The following MAP3K5 variants were observed in gnomAD, a reference collection of about 807,000 sequenced individuals.
The protein encoded by MAP3K5 is mitogen-activated protein kinase kinase kinase 5, also known as ASK-1.
A neutral mutation model predicts 158.7 loss-of-function variants in MAP3K5; 56 were observed. That is an observed-to-expected ratio of 0.35 (90% confidence interval 0.28 to 0.44). The LOEUF (loss-of-function observed/expected upper bound fraction) is 0.44. Among genes scored for constraint, MAP3K5 ranks in the 20% least tolerant of loss-of-function variants. The probability of loss-of-function intolerance (pLI) is 1.00; values close to 1 mark genes in which losing one functional copy is unlikely to be tolerated. For synonymous variants in MAP3K5, 579 were observed against 601.7 expected (o/e 0.96, Z 0.55); for missense variants, 1,294 against 1,674.8 (o/e 0.77, Z 3.97).
chr6:136,659,284 T>A lies in MAP3K5; in HGVS notation c.1461A>T (p.Leu487=), dbSNP rs151246014. The A allele has an allele frequency of 6.2e-7, 1 of 1,614,036 alleles. No individual in the cohort carries two copies. Among genetic ancestry groups the A allele is most frequent in the African/African-American group, 1.3e-5 (1 of 74,938 alleles). The change falls in exon 9 of 30, where the codon CTA becomes CTT. Residue 487 remains leucine, a synonymous_variant. Transcript: ENST00000359015. ...GAATGACTCTCATGTGGTCATTGGC[T>A]AGGACGCTGGCCCCCAGAAAAAATC... is the stretch of plus-strand genomic sequence containing the variant. ...EVGFFLGASV[L]ANDHMRVIQA... is the part of the protein sequence containing the mutation.
intron 10 of MAP3K5, among the ~76,000 whole-genome samples, chr6:136,651,750 C>T (rs1211478107): frequency 2.0e-5 from 3 of 152,042 alleles, no homozygotes; most frequent in African/African-American, 7.2e-5. Flanking sequence ...TATTTTGAAG[C>T]TCTATAAGGG....
intron 2 of MAP3K5, among the ~76,000 whole-genome samples, chr6:136,718,266 G>A (rs1214212679): frequency 6.6e-6 from 1 of 152,164 alleles, no homozygotes; most frequent in South Asian, 2.1e-4. Context: ...CTGGAGTGCA[G>A]TGGTGTGATC....
intron 1 of MAP3K5, among the ~76,000 whole-genome samples, chr6:136,769,571 T>C (rs1388079561): frequency 6.6e-6 from 1 of 150,524 alleles, no homozygotes; most frequent in African/African-American, 2.5e-5. Flanking sequence ...CAGAAGTGGG[T>C]TAGGGGTAAC....
At position 136,792,122 on chromosome 6, in the gene MAP3K5, A is replaced by T; in HGVS notation, c.36T>A (p.Ser12=). The part of the protein sequence containing the change: ...STEADEGITF[S]VPPFAPSGFC... ...AGCCCGAGGGGGCGAAGGGTGGCAC[A>T]GAGAAAGTGATGCCCTCGTCCGCCT... Residue 12 remains serine, a synonymous_variant, in exon 1 of 30, where the codon TCT becomes TCA. Transcript: ENST00000359015. This position sits in a 1 kb window ranked among gnomAD's most constrained non-coding sequence, Gnocchi z 5.7. The T allele has an allele frequency of 6.3e-7, 1 of 1,583,856 alleles. No individual in the cohort carries two copies. The highest frequency in any genetic ancestry group is 1.1e-5 in the South Asian group (1 of 88,262).
intron 11 of MAP3K5, among the ~76,000 whole-genome samples, chr6:136,644,799 G>C (rs1778166583): frequency 6.6e-6 from 1 of 152,180 alleles, no homozygotes. Flanking sequence ...ATAAAGGAGA[G>C]GGCTTGGCCC....
At chr6:136,614,404 A>C in intron 15 of MAP3K5, 118 bp from the exon 16 acceptor site, 1 of 1,071,632 alleles carries the variant, frequency 9.3e-7, no homozygotes, top group Non-Finnish European at 1.4e-6. Context: ...AACCAAAACA[A>C]CCACTTAAGG....
intron 1 of MAP3K5, among the ~76,000 whole-genome samples, chr6:136,730,899 T>C (rs1562653289): frequency 1.3e-5 from 2 of 152,278 alleles, no homozygotes; most frequent in East Asian, 3.9e-4. Flanking sequence ...TGAATGTTCA[T>C]AGCCATACTA....
At chr6:136,676,793 C>CTTTTTTTT (rs67161871) in intron 7 of MAP3K5, among the ~76,000 whole-genome samples, 2 of 130,732 alleles carry the variant, frequency 1.5e-5, no homozygotes, top group Non-Finnish European at 3.2e-5. Flanking sequence ...CTTTTCTTTT[C>CTTTTTTTT]TTTTTTTTTT....
intron 23 of MAP3K5, 98 bp downstream of exon 23, chr6:136,592,075 C>T (rs1162450558): frequency 4.5e-6 from 5 of 1,116,464 alleles, no homozygotes; most frequent in East Asian, 2.4e-5. Context: ...ACTACAGGTT[C>T]CTCTTGCCTT....
chr6:136,700,542 A>G (rs1489965914), intron 3 of MAP3K5, among the ~76,000 whole-genome samples: 1 of 152,240 alleles, frequency 6.6e-6, no homozygotes, highest in Non-Finnish European at 1.5e-5. Context: ...ACACTCATAT[A>G]TCAGGTAATT....
At chr6:136,583,505 T>G (rs754485672) in intron 24 of MAP3K5, 50 bp downstream of exon 24, 1 of 1,472,426 alleles carries the variant, frequency 6.8e-7, no homozygotes, top group Non-Finnish European at 9.2e-7. Flanking sequence ...ATCTTATTTT[T>G]CTAACTAATT....
chr6:136,664,004 A>T (rs1779122712), intron 8 of MAP3K5, among the ~76,000 whole-genome samples: 1 of 152,094 alleles, frequency 6.6e-6, no homozygotes, highest in African/African-American at 2.4e-5. Flanking sequence ...CAGGGTCCTC[A>T]ATCCCAGGGC....
At chr6:136,711,276 A>T (rs1781295147) in intron 2 of MAP3K5, among the ~76,000 whole-genome samples, 1 of 152,166 alleles carries the variant, frequency 6.6e-6, no homozygotes, top group Non-Finnish European at 1.5e-5. Flanking sequence ...GTACCAGATG[A>T]CAAGTCAAAG....
At chr6:136,792,493 G>T, upstream of MAP3K5, 1 of 622,922 alleles carries the variant, frequency 1.6e-6, no homozygotes, top group Non-Finnish European at 2.0e-6. This position sits in a 1 kb window ranked among gnomAD's most constrained non-coding sequence, Gnocchi z 5.7. Context: ...CCTGCGCCGC[G>T]GTGCAGCTCA....
At chr6:136,598,182 C>G (rs1353047849) in intron 21 of MAP3K5, among the ~76,000 whole-genome samples, 1 of 152,240 alleles carries the variant, frequency 6.6e-6, no homozygotes, top group Non-Finnish European at 1.5e-5. Flanking sequence ...CAGCAAGCCT[C>G]CCTTAACACA....
intron 1 of MAP3K5, among the ~76,000 whole-genome samples, chr6:136,738,942 GCA>G (rs59144448): frequency 0.11 from 16,761 of 149,464 alleles, 2,569 homozygotes; most frequent in African/African-American, 0.35. Flanking sequence ...ACACACGCGT[GCA>G]CACACACACA....
At chr6:136,650,913 GTATGTA>G in intron 11 of MAP3K5, 65 bp downstream of exon 11, 1 of 852,432 alleles carries the variant, frequency 1.2e-6, no homozygotes, top group South Asian at 1.6e-5. Flanking sequence ...ATTTGCTGGA[GTATGTA>G]AATGCTAGAA....
At chr6:136,765,048 A>G (rs1036298044) in intron 1 of MAP3K5, among the ~76,000 whole-genome samples, 3 of 152,232 alleles carry the variant, frequency 2.0e-5, no homozygotes, top group Non-Finnish European at 2.9e-5. Flanking sequence ...CTTTTTATAC[A>G]GTATCCTAAC....
intron 1 of MAP3K5, among the ~76,000 whole-genome samples, chr6:136,775,733 T>C (rs888224611): frequency 2.0e-5 from 3 of 152,236 alleles, no homozygotes; most frequent in African/African-American, 7.2e-5. Context: ...AGTTGTGGCC[T>C]GGGAAAACTA....
Sources: allele counts gnomAD v4.1 joint callset (sites outside exome capture counted in the v4.1 genomes callset), GRCh38; gene constraint gnomAD v4.1.1; non-coding constraint Gnocchi (gnomAD v3.1); transcripts MANE v1.5; gene names NCBI Gene and HGNC (gene_info 2026-07-23, HGNC 2026-07-21).